The following IL33 variants were observed in gnomAD, a reference collection of about 807,000 sequenced individuals.
IL33 encodes interleukin-33.
IL33 carries 37 observed loss-of-function variants against 27.3 expected under a neutral mutation model. The observed-to-expected ratio is 1.36, with a 90% CI of 1.04 to 1.78. The LOEUF is 1.78. Ranked by LOEUF, IL33 falls within the 40% of genes most tolerant of loss-of-function variation. The pLI, the probability that IL33 is intolerant of heterozygous loss-of-function variation, is 0.00. For missense variants in IL33, 406 were observed against 311.4 expected, an observed-to-expected ratio of 1.30 and a Z score of -2.29; for synonymous variants, 132 against 102.9, an observed-to-expected ratio of 1.28 and a Z score of -1.71.
intron 1 of IL33, among the ~76,000 whole-genome samples, chr9:6,218,348 A>G (rs1818239861): frequency 6.6e-6 from 1 of 152,156 alleles, no homozygotes; most frequent in South Asian, 2.1e-4. Flanking sequence ...TATAGAGAGA[A>G]AAGAATCCTG....
At chr9:6,216,284 C>T (rs564203390) in intron 1 of IL33, among the ~76,000 whole-genome samples, 3 of 152,326 alleles carry the variant, frequency 2.0e-5, no homozygotes, top group South Asian at 4.1e-4. Flanking sequence ...GCACACGCCA[C>T]TATGCCTGGG....
chr9:6,216,995 C>T (rs1158060047), intron 1 of IL33, among the ~76,000 whole-genome samples: 2 of 152,146 alleles, frequency 1.3e-5, no homozygotes, highest in Non-Finnish European at 1.5e-5. Context: ...ATTCAAATCT[C>T]CCCAAAAATT....
At chr9:6,248,544 G>A (rs1388166227) in intron 2 of IL33, among the ~76,000 whole-genome samples, 1 of 151,808 alleles carries the variant, frequency 6.6e-6, no homozygotes, top group Non-Finnish European at 1.5e-5. Context: ...GGATTTGCCT[G>A]CCTCTAGAAG....
Position 6,244,993 on chromosome 9 carries a change from C to T in IL33, c.91+3208C>T, listed in dbSNP as rs1011934326. On this transcript the variant is annotated intron_variant, in intron 2 of 7. Coordinates refer to ENST00000682010, the MANE Select transcript of IL33 (RefSeq NM_033439.4). ...GCCAGCAGGGTACAGGACTTCATGA[C>T]CTGGAGGAAAGCCTCTCACAACCCT... Among the ~76,000 whole-genome samples, 4 of 152,158 alleles carry T rather than the reference C, an allele frequency of 2.6e-5. No homozygotes were observed. The South Asian group carries it at 6.2e-4, about 24-fold the overall frequency.
chr9:6,240,123 A>T (rs985758019), intron 1 of IL33, among the ~76,000 whole-genome samples: 2 of 152,202 alleles, frequency 1.3e-5, no homozygotes, highest in African/African-American at 4.8e-5. Flanking sequence ...AAAGAGTCCA[A>T]CTTTGTAAAA....
intron 1 of IL33, among the ~76,000 whole-genome samples, chr9:6,239,057 A>G (rs1193456588): frequency 6.6e-6 from 1 of 152,154 alleles, no homozygotes; most frequent in Non-Finnish European, 1.5e-5. Flanking sequence ...AGAAAGAACA[A>G]AGAAACCAGC....
At position 6,241,765 on chromosome 9, in the gene IL33, C is replaced by T; in HGVS notation, c.71C>T (p.Ala24Val). The change falls in exon 2 of 8, where the codon GCC becomes GTC. Residue 24 changes from alanine to valine, a missense_variant. Transcript: ENST00000682010. ...AAGTGGAAGAACACAGCAAGCAAAGCCTTGTGTTTCAAGCTGGGAAGTAAG... is the reference window on the plus strand; with the variant it reads ...AAGTGGAAGAACACAGCAAGCAAAGTCTTGTGTTTCAAGCTGGGAAGTAAG... ...TAKWKNTASK[A>V]LCFKLGKSQQ... is the part of the protein sequence containing the mutation. The T allele has an allele frequency of 3.7e-6, 6 of 1,610,114 alleles. No homozygotes were observed. The highest frequency in any genetic ancestry group is 1.1e-5 in the South Asian group (1 of 90,380).
At position 6,255,963 on chromosome 9, in the gene IL33, C is replaced by T; in HGVS notation, c.613-5C>T. On this transcript the variant is annotated splice_polypyrimidine_tract_variant and splice_region_variant and intron_variant, in intron 7 of 7. Coordinates refer to ENST00000682010, the MANE Select transcript of IL33 (RefSeq NM_033439.4). ...TATGGATTGCTTTCTCTCTTGTTTC[C>T]TCAGCTCCATAAGTGTGAAAAACCA... The T allele has an allele frequency of 6.2e-7, 1 of 1,612,538 alleles. No homozygotes were observed. Among genetic ancestry groups the T allele is most frequent in the South Asian group, 1.1e-5 (1 of 91,004 alleles).
intron 4 of IL33, among the ~76,000 whole-genome samples, chr9:6,252,429 C>G (rs7036053): frequency 0.02 from 3,061 of 152,174 alleles, 106 homozygotes; most frequent in African/African-American, 0.069. Flanking sequence ...GAGAACAGGG[C>G]TTATATCCGC....
Position 6,236,306 on chromosome 9 carries a change from T to C in IL33, c.-11-5378T>C, listed in dbSNP as rs534096072. 1.6e-3 allele frequency among the ~76,000 whole-genome samples: 242 copies of C among 152,318 alleles called. 1 individual carries two copies. Among genetic ancestry groups the C allele is most frequent in the African/African-American group, 5.5e-3 (227 of 41,582 alleles). Reference sequence around the variant, plus strand: ...TTCTATTTTTTAAATAAAAGAGATGTGTATAATTTTTTACATAGAAAAAAG... The same window carrying C: ...TTCTATTTTTTAAATAAAAGAGATGCGTATAATTTTTTACATAGAAAAAAG... On this transcript the variant is annotated intron_variant, in intron 1 of 7. Transcript: ENST00000682010.
chr9:6,233,596 T>C (rs1161622076), intron 1 of IL33, among the ~76,000 whole-genome samples: 1 of 152,246 alleles, frequency 6.6e-6, no homozygotes, highest in Admixed American at 6.5e-5. Context: ...GAGTCTCTAC[T>C]GTGCACCAGC....
chr9:6,227,852 G>C (rs142647141), intron 1 of IL33, among the ~76,000 whole-genome samples: 1 of 152,068 alleles, frequency 6.6e-6, no homozygotes, highest in South Asian at 2.1e-4. Context: ...AAACTTTCTA[G>C]GTAGGGGTTT....
At chr9:6,240,671 G>A (rs1168984533) in intron 1 of IL33, among the ~76,000 whole-genome samples, 2 of 152,206 alleles carry the variant, frequency 1.3e-5, no homozygotes, top group Non-Finnish European at 2.9e-5. Flanking sequence ...TAAGTAGTGA[G>A]TGAATGTGAA....
chr9:6,251,342 T>G, intron 4 of IL33, 77 bp downstream of exon 4: 1 of 1,584,596 alleles, frequency 6.3e-7, no homozygotes, highest in Non-Finnish European at 8.6e-7. Flanking sequence ...CTACTCCAGG[T>G]AGCAGTCCCA....
intron 7 of IL33, among the ~76,000 whole-genome samples, chr9:6,255,032 C>G (rs1816648330): frequency 6.6e-6 from 1 of 152,122 alleles, no homozygotes; most frequent in African/African-American, 2.4e-5. Context: ...CATTCTGAGC[C>G]TGCTTAAGGG....
intron 1 of IL33, among the ~76,000 whole-genome samples, chr9:6,239,442 G>C (rs535281762): frequency 1.3e-5 from 2 of 152,214 alleles, no homozygotes; most frequent in South Asian, 4.1e-4. Context: ...CACACTGGAA[G>C]GACAGCGTGG....
At chr9:6,240,584 A>T (rs1181726870) in intron 1 of IL33, among the ~76,000 whole-genome samples, 2 of 152,222 alleles carry the variant, frequency 1.3e-5, no homozygotes, top group Non-Finnish European at 1.5e-5. Flanking sequence ...ATGAAGATTT[A>T]AAAATGGTGC....
At chr9:6,244,609 T>C (rs1216943346) in intron 2 of IL33, among the ~76,000 whole-genome samples, 1 of 152,144 alleles carries the variant, frequency 6.6e-6, no homozygotes, top group African/African-American at 2.4e-5. Flanking sequence ...ACTGAAATCA[T>C]GGAAAGTAAA....
At position 6,257,943 on chromosome 9, in the gene IL33, CA is replaced by C; in HGVS notation, c.*1776del. The C allele has an allele frequency of 6.8e-6, 1 of 147,232 alleles. No individual in the cohort carries two copies. The allele number at this position is 147,232 out of a possible 1,614,324, so 9.1% of individuals were successfully genotyped here. On this transcript the variant is annotated 3_prime_UTR_variant, in exon 8 of 8. Transcript: ENST00000682010. ...ATTAAATAATCAAATATATCTACTA[CA>C]TTGTTTATATTATTGAATAAAGTAT...
Sources: allele counts gnomAD v4.1 joint callset (sites outside exome capture counted in the v4.1 genomes callset), GRCh38; gene constraint gnomAD v4.1.1; transcripts MANE v1.5; gene names NCBI Gene and HGNC (gene_info 2026-07-23, HGNC 2026-07-21).